Variants in FGF14 observed in about 807,000 individuals in gnomAD.
FGF14 encodes fibroblast growth factor 14.
FGF14 carries 5 observed loss-of-function variants against 25.5 expected under a neutral mutation model. The observed-to-expected ratio is 0.20, with a 90% CI of 0.10 to 0.41. The LOEUF is 0.41. Ranked by LOEUF, FGF14 falls within the 10% of genes least tolerant of loss-of-function variation. The pLI is 1.00. For missense variants in FGF14, 222 were observed against 320.1 expected (o/e 0.69, Z 2.34); for synonymous variants, 138 against 118.3 (o/e 1.17, Z -1.08).
At chr13:101,903,932 G>A (rs1256998965) in intron 1 of FGF14, among the ~76,000 whole-genome samples, 1 of 152,230 alleles carries the variant, frequency 6.6e-6, no homozygotes, top group East Asian at 1.9e-4. Flanking sequence ...TTGAAGTCAT[G>A]GATACCTTAA....
intron 1 of FGF14, among the ~76,000 whole-genome samples, chr13:102,209,777 A>G (rs1566820115): frequency 5.3e-5 from 8 of 152,220 alleles, no homozygotes; most frequent in Non-Finnish European, 1.5e-5. Flanking sequence ...AACATCTACA[A>G]TAGATTAAGG....
In FGF14 at chr13:101,943,824, A is replaced by ATATATATATAT. The variant is rs553788083; in HGVS notation, c.209-68529_209-68528insATATATATATA. On this transcript the variant is annotated intron_variant, in intron 1 of 4. Transcript: ENST00000376131. ...CCCTGTCTCTACTTAAAAAAAAAAAAAAATATATATATATATATATTCACA... is the reference window on the plus strand; with the variant it reads ...CCCTGTCTCTACTTAAAAAAAAAAAATATATATATATAAATATATATATATATATATTCACA... Among the ~76,000 whole-genome samples the ATATATATATAT allele has an allele frequency of 8.5e-3, 1,083 of 126,760 alleles. 22 individuals are homozygous for ATATATATATAT. The highest frequency in any genetic ancestry group is 0.038 in the African/African-American group (1,023 of 27,216). 83.2% of individuals were successfully genotyped at this position (126,760 alleles called of 152,430 possible).
chr13:101,713,391 A>G lies in FGF14; in HGVS notation c.*9440T>C, dbSNP rs2034569779. The G allele has an allele frequency of 6.6e-6, 1 of 152,198 alleles. No homozygotes were observed. The allele number at this position is 152,198 out of a possible 1,614,324, so 9.4% of individuals were successfully genotyped here. ...CTTACCAATTCTGCAGTTTTGTTAAATATGTCAAAATACTCTTTTCAACTG... is the reference window on the plus strand; with the variant it reads ...CTTACCAATTCTGCAGTTTTGTTAAGTATGTCAAAATACTCTTTTCAACTG... On this transcript the variant is annotated 3_prime_UTR_variant, in exon 5 of 5. Coordinates refer to ENST00000376143, the MANE Select transcript of FGF14 (RefSeq NM_004115.4).
intron 3 of FGF14, among the ~76,000 whole-genome samples, chr13:101,800,539 G>A (rs560460326): frequency 3.9e-5 from 6 of 152,234 alleles, no homozygotes; most frequent in Admixed American, 6.5e-5. Flanking sequence ...AACAGCAACC[G>A]ATCATAATGC....
At chr13:101,867,930 A>G (rs935827452) in intron 3 of FGF14, among the ~76,000 whole-genome samples, 122 of 130,212 alleles carry the variant, frequency 9.4e-4, no homozygotes, top group Admixed American at 1.5e-3. Context: ...ACACACACAC[A>G]CACACGCGCA....
intron 1 of FGF14, among the ~76,000 whole-genome samples, chr13:102,021,401 C>T (rs1209137823): frequency 6.6e-6 from 1 of 151,870 alleles, no homozygotes; most frequent in East Asian, 1.9e-4. Context: ...GAACTCCTCA[C>T]TCCCTAATCC....
chr13:101,741,374 G>A (rs781034779), intron 3 of FGF14, among the ~76,000 whole-genome samples: 2 of 152,096 alleles, frequency 1.3e-5, no homozygotes, highest in African/African-American at 2.4e-5. Flanking sequence ...CTCATGAGCA[G>A]TACTATAGTA....
intron 1 of FGF14, among the ~76,000 whole-genome samples, chr13:102,153,826 A>G (rs948824095): frequency 6.6e-6 from 1 of 152,198 alleles, no homozygotes; most frequent in African/African-American, 2.4e-5. Context: ...GACGAATCAC[A>G]AGTAATCACA....
intron 1 of FGF14, among the ~76,000 whole-genome samples, chr13:101,997,341 C>A (rs927730841): frequency 9.2e-5 from 14 of 152,122 alleles, no homozygotes; most frequent in African/African-American, 3.1e-4. Context: ...TCTCAGATAT[C>A]CCAGTTTCAA....
At chr13:102,241,563 C>T (rs1424190297) in intron 1 of FGF14, among the ~76,000 whole-genome samples, 5 of 152,116 alleles carry the variant, frequency 3.3e-5, no homozygotes, top group Non-Finnish European at 5.9e-5. Flanking sequence ...GCTCAGAATC[C>T]TCCTGGAGTT....
At chr13:102,328,674 G>A (rs533053099) in intron 1 of FGF14, among the ~76,000 whole-genome samples, 99 of 152,218 alleles carry the variant, frequency 6.5e-4, no homozygotes, top group Non-Finnish European at 1.2e-3. Flanking sequence ...GAGCAATAAC[G>A]TAGAGTGGTA....
chr13:101,822,579 T>C (rs1332041128), intron 3 of FGF14, among the ~76,000 whole-genome samples: 3 of 152,040 alleles, frequency 2.0e-5, no homozygotes, highest in Admixed American at 2.0e-4. Flanking sequence ...ATCTTAACAG[T>C]ATTGAGTCTT....
chr13:101,919,858 C>T (rs533652002), upstream of FGF14, among the ~76,000 whole-genome samples: 45 of 151,978 alleles, frequency 3.0e-4, no homozygotes, highest in South Asian at 8.9e-3. Flanking sequence ...CTCTTTCTTT[C>T]TCGAGCGTCC....
chr13:101,951,972 A>T (rs1226663290), intron 1 of FGF14, among the ~76,000 whole-genome samples: 3 of 152,202 alleles, frequency 2.0e-5, no homozygotes, highest in Non-Finnish European at 2.9e-5. Context: ...GAATTTTCCA[A>T]TCATATTAAC....
chr13:102,037,984 A>G (rs1472488940), intron 1 of FGF14, among the ~76,000 whole-genome samples: 1 of 152,204 alleles, frequency 6.6e-6, no homozygotes, highest in Non-Finnish European at 1.5e-5. Flanking sequence ...TGAGATACGA[A>G]TATGAATAAA....
At chr13:102,332,658 C>G (rs2056668866) in intron 1 of FGF14, among the ~76,000 whole-genome samples, 2 of 152,070 alleles carry the variant, frequency 1.3e-5, no homozygotes, top group Non-Finnish European at 2.9e-5. Context: ...CAGATGATGA[C>G]TAACTCACAG....
chr13:102,173,333 A>G (rs2048322054), intron 1 of FGF14, among the ~76,000 whole-genome samples: 1 of 152,112 alleles, frequency 6.6e-6, no homozygotes, highest in Non-Finnish European at 1.5e-5. Context: ...GATAAAAAGC[A>G]TTGGTGAGGA....
At chr13:102,205,683 G>A (rs975951901) in intron 1 of FGF14, among the ~76,000 whole-genome samples, 1 of 151,362 alleles carries the variant, frequency 6.6e-6, no homozygotes, top group Non-Finnish European at 1.5e-5. Context: ...CCTTCAGAAA[G>A]GGAAAGAAAC....
At chr13:102,249,192 A>G (rs778254659) in intron 1 of FGF14, among the ~76,000 whole-genome samples, 1 of 152,142 alleles carries the variant, frequency 6.6e-6, no homozygotes, top group Non-Finnish European at 1.5e-5. Context: ...AAATGATAGA[A>G]AGATTTACCA....
Sources: gnomAD v4.1 joint callset for allele counts (sites outside exome capture counted in the v4.1 genomes callset) on GRCh38, gnomAD v4.1.1 for gene constraint, MANE v1.5 for transcripts, NCBI Gene and HGNC (gene_info 2026-07-23, HGNC 2026-07-21) for gene names.